Variants in NFIB observed in about 807,000 individuals in gnomAD.
NFIB encodes nuclear factor 1 B-type.
In NFIB, 11 loss-of-function variants were observed where a neutral mutation model predicts 61.5. The ratio of observed to expected loss-of-function variants is 0.18; its 90% CI spans 0.11 to 0.30. The LOEUF is 0.30. Ranked by LOEUF, NFIB falls within the 10% of genes least tolerant of loss-of-function variation. The probability of loss-of-function intolerance (pLI) is 1.00; values close to 1 mark genes in which losing one functional copy is unlikely to be tolerated. For missense variants in NFIB, 471 were observed against 608.9 expected (o/e 0.77, Z 2.38); for synonymous variants, 260 against 216.5 (o/e 1.20, Z -1.76).
At chr9:14,470,283 C>CA in the NFIB span, among the ~76,000 whole-genome samples, 1 of 152,138 alleles carries the variant, frequency 6.6e-6, no homozygotes. Flanking sequence ...CCATTTTCTC[C>CA]TCTCTTTACT....
intron 10 of NFIB, chr9:14,094,341 T>C (rs2034446388): frequency 6.6e-6 from 1 of 152,128 alleles, no homozygotes; most frequent in African/African-American, 2.4e-5. Context: ...TAACTGTGCT[T>C]TATTCCTCCA....
intron 9 of NFIB, among the ~76,000 whole-genome samples, chr9:14,115,935 A>C (rs1398038982): frequency 6.6e-6 from 1 of 152,196 alleles, no homozygotes; most frequent in African/African-American, 2.4e-5. Context: ...GGCATGACTT[A>C]TTATTTTTGT....
intron 2 of NFIB, among the ~76,000 whole-genome samples, chr9:14,193,764 T>C (rs1196290232): frequency 6.6e-6 from 1 of 152,158 alleles, no homozygotes; most frequent in Non-Finnish European, 1.5e-5. Flanking sequence ...AGTACCAATA[T>C]ACTTAATGTT....
intron 2 of NFIB, among the ~76,000 whole-genome samples, chr9:14,257,846 A>T (rs1425792968): frequency 6.6e-6 from 1 of 152,226 alleles, no homozygotes; most frequent in Non-Finnish European, 1.5e-5. Flanking sequence ...TGAATTTATT[A>T]ATATAAGTAG....
At chr9:14,188,156 T>A (rs985289757) in intron 2 of NFIB, among the ~76,000 whole-genome samples, 1 of 152,204 alleles carries the variant, frequency 6.6e-6, no homozygotes, top group East Asian at 1.9e-4. Flanking sequence ...CTTTCTACAG[T>A]GTGTTTTCAA....
intron 2 of NFIB, among the ~76,000 whole-genome samples, chr9:14,264,927 G>A (rs1025879388): frequency 2.0e-5 from 3 of 152,134 alleles, no homozygotes; most frequent in Admixed American, 6.5e-5. Context: ...TCCTGTGCCT[G>A]ACACCCGTCT....
At position 14,276,754 on chromosome 9, in the gene NFIB, C is replaced by T. The variant is rs552399873; in HGVS notation, c.562+30235G>A. On this transcript the variant is annotated intron_variant, in intron 2 of 10. Coordinates refer to ENST00000380953, the MANE Select transcript of NFIB (RefSeq NM_001190737.2). ...AATATTCATGCGAGGGAAAGCTGATCACACGAAAGGTTTCTTAGGGACTGT... is the reference window on the plus strand; with the variant it reads ...AATATTCATGCGAGGGAAAGCTGATTACACGAAAGGTTTCTTAGGGACTGT... Among the ~76,000 whole-genome samples, 8 of 152,164 alleles carry T rather than the reference C, an allele frequency of 5.3e-5. No individual in the cohort carries two copies. In the East Asian group the frequency reaches 1.4e-3, roughly 26 times the overall value.
the NFIB span, among the ~76,000 whole-genome samples, chr9:14,440,303 C>G: frequency 1.3e-5 from 2 of 152,272 alleles, no homozygotes; most frequent in Non-Finnish European, 2.9e-5. Flanking sequence ...TTGAATTGGC[C>G]TGGGTGTGAT....
chr9:14,482,552 TG>T, the NFIB span, among the ~76,000 whole-genome samples: 1 of 152,234 alleles, frequency 6.6e-6, no homozygotes, highest in African/African-American at 2.4e-5. Flanking sequence ...AAAGAATTCT[TG>T]GGACAAGTGA....
the NFIB span, among the ~76,000 whole-genome samples, chr9:14,429,180 T>C: frequency 6.6e-6 from 1 of 152,164 alleles, no homozygotes; most frequent in East Asian, 1.9e-4. Context: ...GACTTTGGTA[T>C]GCTGGGAAGT....
At chr9:14,218,260 T>C (rs184119678) in intron 2 of NFIB, among the ~76,000 whole-genome samples, 3 of 152,040 alleles carry the variant, frequency 2.0e-5, no homozygotes, top group East Asian at 1.9e-4. Flanking sequence ...AATAAAATGA[T>C]TTTTTTTAAG....
At position 14,339,334 on chromosome 9, in the gene NFIB, T is replaced by G. The variant is rs560983089; in HGVS notation, c.109-31814A>C. On this transcript the variant is annotated intron_variant, in intron 1 of 8. Coordinates refer to the NFIB transcript ENST00000380934. ...AACATCCCAGTATGTGCAACGGAAG[T>G]TGTAAGACTATTAGCTGCCTCGTTT... Among the ~76,000 whole-genome samples the G allele has an allele frequency of 4.6e-5, 7 of 152,302 alleles. No individual in the cohort carries two copies. In the East Asian group the frequency reaches 1.4e-3, roughly 29 times the overall value.
intron 2 of NFIB, among the ~76,000 whole-genome samples, chr9:14,228,322 G>C (rs2052696262): frequency 6.6e-6 from 1 of 151,442 alleles, no homozygotes; most frequent in Admixed American, 6.6e-5. Flanking sequence ...AGCCTCTCGA[G>C]TAGCTGGGAT....
rs932663476 is a variant in NFIB at position 14,205,568 on chromosome 9, C to G, written c.563-25788G>C. On this transcript the variant is annotated intron_variant, in intron 2 of 10. Transcript: ENST00000380953. ...CAGTGGATTTTTCTTTGAGACTGTT[C>G]CGCAAGTTTAAGCTCAGGTTGAGAG... Among the ~76,000 whole-genome samples the G allele has an allele frequency of 7.9e-5, 12 of 152,102 alleles. 1 individual carries two copies. The highest frequency in any genetic ancestry group is 5.9e-4 in the Admixed American group (9 of 15,296).
chr9:14,321,969 A>T, intron 1 of NFIB: 18 of 1,231,406 alleles, frequency 1.5e-5, no homozygotes, highest in Non-Finnish European at 1.8e-5. Flanking sequence ...TAAATAAAAG[A>T]GATCTTGAGT....
intron 3 of NFIB, among the ~76,000 whole-genome samples, chr9:14,167,245 T>C (rs148208171): frequency 6.6e-6 from 1 of 152,134 alleles, no homozygotes; most frequent in Non-Finnish European, 1.5e-5. Flanking sequence ...CATGAGTATA[T>C]GCATACGTCA....
the NFIB span, among the ~76,000 whole-genome samples, chr9:14,424,253 G>A: frequency 6.6e-6 from 1 of 152,196 alleles, no homozygotes; most frequent in African/African-American, 2.4e-5. Context: ...CCTTACAGAA[G>A]AAGAAATGTA....
chr9:14,520,187 T>C, the NFIB span, among the ~76,000 whole-genome samples: 2 of 152,220 alleles, frequency 1.3e-5, no homozygotes, highest in Non-Finnish European at 2.9e-5. Context: ...ACCCATTCTA[T>C]CTATCTAATT....
chr9:14,156,774 G>A (rs1379586703), intron 3 of NFIB, among the ~76,000 whole-genome samples: 3 of 152,168 alleles, frequency 2.0e-5, no homozygotes, highest in Non-Finnish European at 4.4e-5. Context: ...CCTTAGCAGG[G>A]GAGGTTATGG....
Sources: allele counts gnomAD v4.1 joint callset (sites outside exome capture counted in the v4.1 genomes callset), GRCh38; gene constraint gnomAD v4.1.1; transcripts MANE v1.5; gene names NCBI Gene and HGNC (gene_info 2026-07-23, HGNC 2026-07-21).